Variants in NLRP9 observed in about 807,000 individuals in gnomAD.
NLRP9 encodes the protein NLR family pyrin domain containing 9.
NLRP9 carries 88 observed loss-of-function variants against 83.1 expected under a neutral mutation model. The observed-to-expected ratio is 1.06, with a 90% CI of 0.89 to 1.26. The LOEUF (loss-of-function observed/expected upper bound fraction) is 1.26. NLRP9 is among the 50% of genes most tolerant of loss of function. The pLI is 0.00. For synonymous variants in NLRP9, 521 were observed against 447.6 expected, an observed-to-expected ratio of 1.16 and a Z score of -2.07; for missense variants, 1,308 against 1,179.3, an observed-to-expected ratio of 1.11 and a Z score of -1.60.
chr19:55,718,243 C>A (rs1988093914), intron 4 of NLRP9, among the ~76,000 whole-genome samples: 1 of 152,180 alleles, frequency 6.6e-6, no homozygotes, highest in Non-Finnish European at 1.5e-5. Context: ...AGGTTTCCCC[C>A]ACTGAGACAG....
chr19:55,728,512 C>T (rs1187727414), intron 3 of NLRP9, among the ~76,000 whole-genome samples: 1 of 151,954 alleles, frequency 6.6e-6, no homozygotes, highest in African/African-American at 2.4e-5. Context: ...GTGGAGGTTG[C>T]GGTGAGCCGA....
intron 1 of NLRP9, 43 bp from the exon 2 acceptor site, chr19:55,733,593 T>C (rs1463221295): frequency 4.4e-6 from 5 of 1,131,904 alleles, no homozygotes; most frequent in Non-Finnish European, 6.4e-6. Context: ...AAAAATGCAC[T>C]CATTCTTTTA....
intron 5 of NLRP9, among the ~76,000 whole-genome samples, 181 bp from the exon 6 acceptor site, chr19:55,715,406 T>G (rs1261066020): frequency 6.6e-6 from 1 of 152,124 alleles, no homozygotes; most frequent in East Asian, 1.9e-4. Context: ...AATAAGGAGC[T>G]GGGTGCGGTG....
At chr19:55,736,927 G>A (rs888796476) in intron 1 of NLRP9, among the ~76,000 whole-genome samples, 3 of 151,256 alleles carry the variant, frequency 2.0e-5, no homozygotes, top group Admixed American at 6.6e-5. Flanking sequence ...GTGGGGATAC[G>A]AAATAAGGTC....
In NLRP9 at chr19:55,732,815, G is replaced by A. The variant is rs1988626335; in HGVS notation, c.1016C>T (p.Thr339Met). 1.9e-6 allele frequency: 3 copies of A among 1,614,136 alleles called. No homozygotes were observed. The highest frequency in any genetic ancestry group is 2.5e-6 in the Non-Finnish European group (3 of 1,180,022). ...CACACAAGTACAGACCAACCAGCACGTAAAGGGATTATGGCACAAGATAAA... is the reference window on the plus strand; with the variant it reads ...CACACAAGTACAGACCAACCAGCACATAAAGGGATTATGGCACAAGATAAA... ...PLFILCHNPFTCWLVCTCVKQ... is the reference protein window; with the variant it reads ...PLFILCHNPFMCWLVCTCVKQ... Residue 339 changes from threonine to methionine, a missense_variant, in exon 2 of 9, where the codon ACG (threonine) becomes ATG (methionine). By Grantham distance (81) the Thr-to-Met change is moderately conservative. Transcript: ENST00000332836.
At chr19:55,729,722 C>T in intron 3 of NLRP9, 109 bp downstream of exon 3, 3 of 846,804 alleles carry the variant, frequency 3.5e-6, no homozygotes, top group Non-Finnish European at 5.6e-6. Flanking sequence ...ACATTTAACA[C>T]ACTGGATTGC....
intron 4 of NLRP9, among the ~76,000 whole-genome samples, chr19:55,720,340 T>A (rs1196032440): frequency 6.6e-6 from 1 of 152,190 alleles, no homozygotes; most frequent in African/African-American, 2.4e-5. Flanking sequence ...TATTTTCTTT[T>A]GAGACGTGGT....
At chr19:55,729,315 C>T (rs10409104) in intron 3 of NLRP9, among the ~76,000 whole-genome samples, 20,739 of 151,160 alleles carry the variant, frequency 0.14, 1,583 homozygotes, top group African/African-American at 0.2. Flanking sequence ...ATACATGTGC[C>T]ATGTTGGTGT....
intron 4 of NLRP9, among the ~76,000 whole-genome samples, chr19:55,720,111 C>T (rs951498268): frequency 1.3e-5 from 2 of 152,136 alleles, no homozygotes; most frequent in African/African-American, 4.8e-5. Context: ...ACACCGTGGT[C>T]ATCTGGTTTA....
At position 55,711,539 on chromosome 19, in the gene NLRP9, T is replaced by A. The variant is rs973115740; in HGVS notation, c.2843+261A>T. On this transcript the variant is annotated intron_variant, in intron 8 of 8. Transcript: ENST00000332836. ...TGCAACTGTGTCTCCGAGGGACTTC[T>A]GACAATTTCTGGAGCTCTTTTTGAT... 1.9e-5 allele frequency: 23 copies of A among 1,196,580 alleles called. No homozygotes were observed. The African/African-American group carries it at 3.3e-4, about 17-fold the overall frequency. 74.1% of individuals were successfully genotyped at this position (1,196,580 alleles called of 1,614,324 possible). A position where few individuals can be genotyped will look rare whatever the true frequency, so the allele number is the denominator to read the frequency against.
chr19:55,732,523 C>G lies in NLRP9; in HGVS notation c.1308G>C (p.Arg436Ser), dbSNP rs1374490920. The G allele has an allele frequency of 1.2e-6, 2 of 1,614,220 alleles. No homozygotes were observed. Among genetic ancestry groups the G allele is most frequent in the South Asian group, 1.1e-5 (1 of 91,078 alleles). The change falls in exon 2 of 9, where the codon AGG becomes AGC. Residue 436 changes from arginine (R) to serine (S), a missense_variant. By Grantham distance (110) the Arg-to-Ser change is moderately radical. Transcript: ENST00000332836. Reference sequence around the variant, plus strand: ...GCATGAAGGCAAAACAGTCCCCTCTCCTTTGGAGGAGTCTCATACCCACCC... The same window carrying G: ...GCATGAAGGCAAAACAGTCCCCTCTGCTTTGGAGGAGTCTCATACCCACCC... ...VMWVGMRLLQRRGDCFAFMHL... is the reference protein window; with the variant it reads ...VMWVGMRLLQSRGDCFAFMHL...
At chr19:55,713,251 C>A (rs1414371530) in intron 6 of NLRP9, among the ~76,000 whole-genome samples, 2 of 151,524 alleles carry the variant, frequency 1.3e-5, no homozygotes, top group Admixed American at 1.3e-4. Context: ...TCTCCAGGCC[C>A]CAAGCTGGTG....
intron 5 of NLRP9, among the ~76,000 whole-genome samples, chr19:55,716,208 A>T (rs1988002816): frequency 6.6e-6 from 1 of 152,068 alleles, no homozygotes; most frequent in Non-Finnish European, 1.5e-5. Context: ...ATATCAGAAC[A>T]TCACACTGTA....
chr19:55,733,191 C>A lies in NLRP9; in HGVS notation c.640G>T (p.Glu214Ter). The change falls in exon 2 of 9, where the codon GAA (glutamate) becomes TAA (stop). Residue 214 changes from glutamate to a stop codon, truncating the protein, a stop_gained. Coordinates refer to ENST00000332836, the MANE Select transcript of NLRP9 (RefSeq NM_176820.4). LOFTEE classifies it high-confidence loss of function. ...RDWPESSEKIEDIFSQPERIL... is the reference protein window; with the variant it reads ...RDWPESSEKI ...CTCTCTGGCTGGGAAAAAATGTCTT[C>A]GATCTTCTCTGAAGACTCCGGCCAG... is the stretch of plus-strand genomic sequence containing the variant. 6.2e-7 allele frequency: 1 copy of A among 1,613,850 alleles called. No homozygotes were observed. The highest frequency in any genetic ancestry group is 1.3e-5 in the African/African-American group (1 of 75,036).
At position 55,732,334 on chromosome 19, in the gene NLRP9, T is replaced by G; in HGVS notation, c.1497A>C (p.Ser499=). The G allele has an allele frequency of 6.2e-7, 1 of 1,614,220 alleles. No homozygotes were observed. The highest frequency in any genetic ancestry group is 8.5e-7 in the Non-Finnish European group (1 of 1,180,014). ...CCAGCATGCTGACGATTTCTTCTGT[T>G]GAAATTCCAAACATGAATATCCCCA... The part of the protein sequence containing the change: ...TQVGIFMFGI[S]TEEIVSMLET... The change falls in exon 2 of 9, where the codon TCA becomes TCC. Residue 499 remains serine (S), a synonymous_variant. Transcript: ENST00000332836.
intron 1 of NLRP9, 122 bp downstream of exon 1, chr19:55,737,973 A>G (rs779390172): frequency 2.1e-5 from 20 of 941,532 alleles, no homozygotes; most frequent in Admixed American, 7.9e-5. Flanking sequence ...TCCTACCTTC[A>G]ACTCTCACCT....
chr19:55,728,110 G>A (rs1435857559), intron 3 of NLRP9, among the ~76,000 whole-genome samples: 2 of 152,144 alleles, frequency 1.3e-5, no homozygotes, highest in African/African-American at 4.8e-5. Context: ...AATGTCCGTG[G>A]TTTTTACTGG....
chr19:55,710,469 T>C (rs566370391), intron 8 of NLRP9, among the ~76,000 whole-genome samples: 1 of 152,272 alleles, frequency 6.6e-6, no homozygotes, highest in Non-Finnish European at 1.5e-5. Context: ...CCAAATCTCA[T>C]ATTTAATTGT....
At chr19:55,711,109 A>C (rs1293571717) in intron 8 of NLRP9, among the ~76,000 whole-genome samples, 1 of 56,116 alleles carries the variant, frequency 1.8e-5, no homozygotes, top group Non-Finnish European at 3.5e-5. Context: ...AAAACAAAAC[A>C]AAAAAAAAAC....
Sources: gnomAD v4.1 joint callset for allele counts (sites outside exome capture counted in the v4.1 genomes callset) on GRCh38, gnomAD v4.1.1 for gene constraint, MANE v1.5 for transcripts, NCBI Gene and HGNC (gene_info 2026-07-23, HGNC 2026-07-21) for gene names.